Variants in SLC1A1 observed in about 807,000 individuals in gnomAD.
SLC1A1 encodes the protein excitatory amino acid transporter 3.
In SLC1A1, 43 loss-of-function variants were observed where a neutral mutation model predicts 53.3. The ratio of observed to expected loss-of-function variants is 0.81; its 90% CI spans 0.63 to 1.04. The LOEUF is 1.04. SLC1A1 is among the 50% of genes least tolerant of loss of function. SLC1A1 has a pLI of 0.00. For missense variants in SLC1A1, 748 were observed against 664.9 expected (o/e 1.12, Z -1.37); for synonymous variants, 307 against 243.2 (o/e 1.26, Z -2.44).
intron 1 of SLC1A1, among the ~76,000 whole-genome samples, chr9:4,524,210 C>G (rs1816183572): frequency 1.3e-5 from 2 of 152,188 alleles, no homozygotes; most frequent in Admixed American, 6.5e-5. Flanking sequence ...TGTTCCTATA[C>G]ATTGTGGAAC....
intron 2 of SLC1A1, among the ~76,000 whole-genome samples, chr9:4,555,455 G>A (rs1213183828): frequency 1.3e-5 from 2 of 152,178 alleles, no homozygotes; most frequent in South Asian, 2.1e-4. Flanking sequence ...TGTTTAGCCA[G>A]GCAACTGCTT....
intron 7 of SLC1A1, 126 bp from the exon 8 acceptor site, chr9:4,573,781 T>G (rs1820286163): frequency 6.5e-6 from 5 of 766,308 alleles, no homozygotes; most frequent in East Asian, 5.0e-5. Context: ...TCAATTCCCA[T>G]CCTGTGCTCC....
Position 4,531,934 on chromosome 9 carries a change from A to G in SLC1A1, c.92-12633A>G, listed in dbSNP as rs141137955. Among the ~76,000 whole-genome samples the G allele has an allele frequency of 1.9e-3, 294 of 152,316 alleles. 1 individual carries two copies. The highest frequency in any genetic ancestry group is 6.4e-3 in the African/African-American group (268 of 41,580). On this transcript the variant is annotated intron_variant, in intron 1 of 11. Coordinates refer to ENST00000262352, the MANE Select transcript of SLC1A1 (RefSeq NM_004170.6). ...GTTCTGCAGTCTCCGCTGCTGATAC[A>G]CAGGCAAAGAGGGTCTGGAGTGGAC...
chr9:4,503,184 T>A (rs1820692847), intron 1 of SLC1A1, among the ~76,000 whole-genome samples: 1 of 151,816 alleles, frequency 6.6e-6, no homozygotes, highest in African/African-American at 2.4e-5. Context: ...GTGGCAGACA[T>A]CACTGATTAC....
At chr9:4,520,903 T>C (rs1292326493) in intron 1 of SLC1A1, among the ~76,000 whole-genome samples, 1 of 152,236 alleles carries the variant, frequency 6.6e-6, no homozygotes, top group Non-Finnish European at 1.5e-5. Flanking sequence ...GATTCCAGTT[T>C]CTCCACATCC....
chr9:4,523,306 A>G (rs970824998), intron 1 of SLC1A1, among the ~76,000 whole-genome samples: 53 of 151,834 alleles, frequency 3.5e-4, no homozygotes, highest in African/African-American at 1.2e-3. Context: ...TAATTAAGTT[A>G]TTGAGTCACA....
chr9:4,512,991 A>T (rs1215484488), intron 1 of SLC1A1, among the ~76,000 whole-genome samples: 1 of 152,176 alleles, frequency 6.6e-6, no homozygotes, highest in Non-Finnish European at 1.5e-5. Context: ...AGTCTTTCCA[A>T]CAAATGGTAT....
chr9:4,553,181 G>C (rs770863765), intron 2 of SLC1A1, among the ~76,000 whole-genome samples: 17 of 152,102 alleles, frequency 1.1e-4, no homozygotes, highest in Non-Finnish European at 2.1e-4. Context: ...GAACAGTTGA[G>C]TTCCTCAGAT....
At position 4,511,566 on chromosome 9, in the gene SLC1A1, T is replaced by TACACACACACACACAC. The variant is rs113277990; in HGVS notation, c.91+20815_91+20830dup. ...TTTTGCCTTAAACTCTTAAGAATTC[T>TACACACACACACACAC]ACACACACACACACACACACACACA... On this transcript the variant is annotated intron_variant, in intron 1 of 11. Transcript: ENST00000262352. Among the ~76,000 whole-genome samples the TACACACACACACACAC allele has an allele frequency of 9.0e-4, 131 of 146,332 alleles. 1 individual carries two copies. The highest frequency in any genetic ancestry group is 3.0e-3 in the African/African-American group (118 of 39,330).
At chr9:4,514,504 T>A (rs1483910984) in intron 1 of SLC1A1, among the ~76,000 whole-genome samples, 2 of 152,130 alleles carry the variant, frequency 1.3e-5, no homozygotes, top group African/African-American at 4.8e-5. Flanking sequence ...TGGAGGAGGT[T>A]GGGAAGGCTT....
chr9:4,567,847 C>A (rs1819634050), intron 6 of SLC1A1, 80 bp downstream of exon 6: 5 of 921,498 alleles, frequency 5.4e-6, no homozygotes, highest in Non-Finnish European at 7.1e-6. Context: ...AATCAATCCT[C>A]GTCATTCACA....
chr9:4,492,116 A>G (rs922372438), intron 1 of SLC1A1, among the ~76,000 whole-genome samples: 9 of 151,940 alleles, frequency 5.9e-5, no homozygotes, highest in Non-Finnish European at 1.2e-4. Context: ...AATCTTGACT[A>G]TTTCCCCCAA....
At chr9:4,518,335 G>C (rs776502917) in intron 1 of SLC1A1, among the ~76,000 whole-genome samples, 14 of 150,218 alleles carry the variant, frequency 9.3e-5, no homozygotes, top group Middle Eastern at 3.5e-3. Flanking sequence ...TGGTGAAAAG[G>C]TTCTTCTACT....
intron 1 of SLC1A1, among the ~76,000 whole-genome samples, chr9:4,512,192 T>C (rs1366702551): frequency 2.0e-5 from 3 of 152,180 alleles, no homozygotes; most frequent in Admixed American, 2.0e-4. Flanking sequence ...GGGATTTTTG[T>C]AGATATACCA....
chr9:4,541,807 C>T (rs902739864), intron 1 of SLC1A1, among the ~76,000 whole-genome samples: 21 of 152,154 alleles, frequency 1.4e-4, no homozygotes, highest in Admixed American at 3.9e-4. Context: ...GCCTGGCCTG[C>T]GTACTCCCAG....
rs1253084989 is a variant in SLC1A1, at chr9:4,544,582, T to C, written c.107T>C (p.Val36Ala). Residue 36 changes from valine (V) to alanine (A), a missense_variant, in exon 2 of 12, where the codon GTC becomes GCC. By Grantham distance (64) the Val-to-Ala change is moderately conservative (BLOSUM62 0). Coordinates refer to ENST00000262352, the MANE Select transcript of SLC1A1 (RefSeq NM_004170.6). ...AAVVLGITTG[V>A]LVREHSNLST... ...TTTTCCTTAGGCATTACCACAGGAGTCTTGGTTCGAGAACACAGCAACCTC... is the reference window on the plus strand; with the variant it reads ...TTTTCCTTAGGCATTACCACAGGAGCCTTGGTTCGAGAACACAGCAACCTC... The C allele has an allele frequency of 6.2e-7, 1 of 1,613,724 alleles. No homozygotes were observed. The highest frequency in any genetic ancestry group is 1.7e-5 in the Admixed American group (1 of 60,002).
In SLC1A1 at chr9:4,583,798, G is replaced by C. The variant is rs1821319870; in HGVS notation, c.1328+626G>C. On this transcript the variant is annotated intron_variant, in intron 11 of 11. Coordinates refer to ENST00000262352, the MANE Select transcript of SLC1A1 (RefSeq NM_004170.6). This position sits in a 1 kb window ranked among gnomAD's most constrained non-coding sequence, Gnocchi z 4.6. ...CCCATACATGCTCAATAAATGGCAA[G>C]TTTTATTGTTATGATTAGAATGAGT... is the stretch of plus-strand genomic sequence containing the variant. Among the ~76,000 whole-genome samples the C allele has an allele frequency of 6.6e-6, 1 of 150,502 alleles. No individual in the cohort carries two copies. The highest frequency in any genetic ancestry group is 2.1e-4 in the South Asian group (1 of 4,734).
chr9:4,493,720 C>G (rs568133075), intron 1 of SLC1A1, among the ~76,000 whole-genome samples: 4 of 152,206 alleles, frequency 2.6e-5, no homozygotes, highest in African/African-American at 9.6e-5. Flanking sequence ...CTGATCTCAT[C>G]TCTATTTCTA....
intron 1 of SLC1A1, among the ~76,000 whole-genome samples, chr9:4,505,285 G>A (rs988167081): frequency 1.3e-5 from 2 of 152,030 alleles, no homozygotes; most frequent in Non-Finnish European, 2.9e-5. Context: ...CTGACCTCAG[G>A]TGATCCACCT....
Sources: allele counts gnomAD v4.1 joint callset (sites outside exome capture counted in the v4.1 genomes callset), GRCh38; gene constraint gnomAD v4.1.1; non-coding constraint Gnocchi (gnomAD v3.1); transcripts MANE v1.5; gene names NCBI Gene and HGNC (gene_info 2026-07-23, HGNC 2026-07-21).